The following NTNG1 variants were observed in gnomAD, a reference collection of about 807,000 sequenced individuals.
The protein encoded by NTNG1 is netrin G1.
Under a neutral mutation model 54.0 loss-of-function variants are expected in NTNG1, and 16 were observed. That is an observed-to-expected ratio of 0.30 (90% confidence interval 0.20 to 0.45). The LOEUF is 0.45. Among genes scored for constraint, NTNG1 ranks in the 20% least tolerant of loss-of-function variants. The pLI, the probability that NTNG1 is intolerant of heterozygous loss-of-function variation, is 1.00. For missense variants in NTNG1, 530 were observed against 678.7 expected, an observed-to-expected ratio of 0.78 and a Z score of 2.43; for synonymous variants, 255 against 263.1, an observed-to-expected ratio of 0.97 and a Z score of 0.30.
intron 3 of NTNG1, among the ~76,000 whole-genome samples, chr1:107,325,503 C>G (rs555539112): frequency 6.6e-6 from 1 of 152,108 alleles, no homozygotes; most frequent in Admixed American, 6.6e-5. Flanking sequence ...AAAATATAGA[C>G]CTGAGTTGGG....
intron 2 of NTNG1, among the ~76,000 whole-genome samples, chr1:107,224,628 T>G (rs1192827378): frequency 6.6e-6 from 1 of 152,130 alleles, no homozygotes; most frequent in East Asian, 1.9e-4. Flanking sequence ...CCTAGAGCGT[T>G]TACTAAATGG....
chr1:107,390,622 G>T (rs1046980789), intron 3 of NTNG1, among the ~76,000 whole-genome samples: 1 of 152,156 alleles, frequency 6.6e-6, no homozygotes, highest in Non-Finnish European at 1.5e-5. Context: ...GTTTAATTTA[G>T]TACAATGTCT....
chr1:107,236,500 G>T (rs1661422685), intron 2 of NTNG1, among the ~76,000 whole-genome samples: 1 of 152,182 alleles, frequency 6.6e-6, no homozygotes, highest in African/African-American at 2.4e-5. Context: ...GCCAGGGTTT[G>T]AGGAGCTCAG....
intron 2 of NTNG1, among the ~76,000 whole-genome samples, chr1:107,301,412 A>G (rs1187971391): frequency 6.6e-6 from 1 of 152,186 alleles, no homozygotes; most frequent in African/African-American, 2.4e-5. Flanking sequence ...ACACTGTGAT[A>G]GGGAATATCC....
intron 7 of NTNG1, 35 bp from the exon 8 acceptor site, chr1:107,480,576 G>GA: frequency 5.9e-6 from 2 of 339,098 alleles, no homozygotes; most frequent in East Asian, 5.4e-5. Flanking sequence ...TCCTCCCCGC[G>GA]CCCACCCACC....
intron 2 of NTNG1, among the ~76,000 whole-genome samples, chr1:107,305,773 T>C (rs1299866973): frequency 2.6e-5 from 4 of 152,218 alleles, no homozygotes; most frequent in African/African-American, 9.6e-5. Context: ...TTTTGGCTTT[T>C]GTTGCCATTG....
At chr1:107,229,198 G>T (rs1351981958) in intron 2 of NTNG1, among the ~76,000 whole-genome samples, 1 of 151,706 alleles carries the variant, frequency 6.6e-6, no homozygotes, top group Non-Finnish European at 1.5e-5. Flanking sequence ...TCGGATGGCA[G>T]CCCCACTTAA....
intron 6 of NTNG1, among the ~76,000 whole-genome samples, chr1:107,434,522 C>T (rs1022760153): frequency 6.6e-6 from 1 of 152,148 alleles, no homozygotes; most frequent in Non-Finnish European, 1.5e-5. Context: ...GTTAATAATC[C>T]AGCTGACAAG....
chr1:107,200,040 A>C (rs1381907154), intron 2 of NTNG1, among the ~76,000 whole-genome samples: 1 of 151,866 alleles, frequency 6.6e-6, no homozygotes, highest in Non-Finnish European at 1.5e-5. Context: ...GAAGTACTAG[A>C]CATGACAAGT....
intron 2 of NTNG1, among the ~76,000 whole-genome samples, chr1:107,227,673 C>CTA (rs1057185566): frequency 2.8e-5 from 4 of 140,496 alleles, no homozygotes; most frequent in African/African-American, 9.5e-5. Flanking sequence ...CTCGCTCTCT[C>CTA]TCTCTCTCTC....
intron 3 of NTNG1, among the ~76,000 whole-genome samples, chr1:107,367,117 C>T (rs1337031080): frequency 2.0e-5 from 3 of 150,874 alleles, no homozygotes; most frequent in African/African-American, 7.3e-5. Context: ...ACTATGGGTG[C>T]ATAATAAATG....
At chr1:107,480,589 T>TCCCC in intron 7 of NTNG1, 22 bp from the exon 8 acceptor site, 3 of 202,794 alleles carry the variant, frequency 1.5e-5, no homozygotes, top group Admixed American at 6.1e-5. Flanking sequence ...CACCCACCCC[T>TCCCC]ACCTTCCCCC....
chr1:107,406,786 C>G (rs948004376), intron 4 of NTNG1, among the ~76,000 whole-genome samples: 2 of 151,998 alleles, frequency 1.3e-5, no homozygotes, highest in Non-Finnish European at 2.9e-5. Flanking sequence ...TTGCAGCAAC[C>G]CTAAGAGGTA....
intron 3 of NTNG1, among the ~76,000 whole-genome samples, chr1:107,377,065 T>C (rs894110582): frequency 3.3e-5 from 5 of 152,240 alleles, no homozygotes; most frequent in Non-Finnish European, 7.3e-5. Context: ...TCCCCCTGAC[T>C]CCTCTTCCTG....
At chr1:107,441,502 C>G (rs574816338) in intron 7 of NTNG1, among the ~76,000 whole-genome samples, 2 of 152,192 alleles carry the variant, frequency 1.3e-5, no homozygotes, top group East Asian at 3.9e-4. Context: ...AAATAAAAAG[C>G]AAAGTACACA....
In NTNG1 at chr1:107,172,888, A is replaced by C. The variant is rs1656358614; in HGVS notation, c.246+24049A>C. 2.0e-5 allele frequency among the ~76,000 whole-genome samples: 3 copies of C among 152,268 alleles called. No homozygotes were observed. The South Asian group carries it at 6.2e-4, about 32-fold the overall frequency. On this transcript the variant is annotated intron_variant, in intron 2 of 7. Transcript: ENST00000370068. Reference sequence around the variant, plus strand: ...AGAAGAAAGTAATTTTTCTTGGCAGACTCTAAAGTAGATAATTTGGCAATG... The same window carrying C: ...AGAAGAAAGTAATTTTTCTTGGCAGCCTCTAAAGTAGATAATTTGGCAATG...
At chr1:107,407,271 G>C (rs546011980) in intron 4 of NTNG1, among the ~76,000 whole-genome samples, 1 of 152,054 alleles carries the variant, frequency 6.6e-6, no homozygotes, top group Non-Finnish European at 1.5e-5. Context: ...ATATTTGCAC[G>C]TGTCCATAGA....
intron 2 of NTNG1, among the ~76,000 whole-genome samples, chr1:107,278,158 A>G (rs75585039): frequency 6.6e-6 from 1 of 152,276 alleles, no homozygotes; most frequent in African/African-American, 2.4e-5. Flanking sequence ...CCCCACCCAT[A>G]GTAATCCATT....
intron 2 of NTNG1, among the ~76,000 whole-genome samples, chr1:107,289,540 G>A (rs1260543879): frequency 6.6e-6 from 1 of 151,836 alleles, no homozygotes; most frequent in East Asian, 1.9e-4. Context: ...CCCACCCCAG[G>A]GTTTTCTATA....
Sources: gnomAD v4.1 joint callset for allele counts (sites outside exome capture counted in the v4.1 genomes callset) on GRCh38, gnomAD v4.1.1 for gene constraint, MANE v1.5 for transcripts, NCBI Gene and HGNC (gene_info 2026-07-23, HGNC 2026-07-21) for gene names.